Variants in TNIK observed in about 807,000 individuals in gnomAD.
TNIK encodes TRAF2 and NCK-interacting protein kinase.
In TNIK, 49 loss-of-function variants were observed where a neutral mutation model predicts 191.3. The ratio of observed to expected loss-of-function variants is 0.26; its 90% confidence interval spans 0.20 to 0.32. The LOEUF (loss-of-function observed/expected upper bound fraction) is 0.32. Among genes scored for constraint, TNIK ranks in the 10% least tolerant of loss-of-function variants. TNIK has a pLI of 1.00. For synonymous variants in TNIK, 594 were observed against 600.9 expected, an observed-to-expected ratio of 0.99 and a Z score of 0.17; for missense variants, 1,155 against 1,702.3, an observed-to-expected ratio of 0.68 and a Z score of 5.66.
chr3:171,152,424 C>A (rs1014089686), intron 12 of TNIK, among the ~76,000 whole-genome samples: 1 of 152,098 alleles, frequency 6.6e-6, no homozygotes, highest in Non-Finnish European at 1.5e-5. Flanking sequence ...AATATTTAAG[C>A]TGAATTTGAC....
At chr3:171,239,322 T>G (rs1186050800) in intron 2 of TNIK, among the ~76,000 whole-genome samples, 1 of 152,216 alleles carries the variant, frequency 6.6e-6, no homozygotes, top group Non-Finnish European at 1.5e-5. Flanking sequence ...CAACATAAGT[T>G]CTTCAAATGC....
At chr3:171,285,246 A>C (rs963990754) in intron 2 of TNIK, among the ~76,000 whole-genome samples, 5 of 152,232 alleles carry the variant, frequency 3.3e-5, no homozygotes, top group African/African-American at 4.8e-5. Flanking sequence ...TTAATAAATA[A>C]ATAAATTGTT....
intron 3 of TNIK, among the ~76,000 whole-genome samples, chr3:171,222,256 C>T (rs371237010): frequency 6.6e-6 from 1 of 152,076 alleles, no homozygotes; most frequent in Non-Finnish European, 1.5e-5. Context: ...CTGACTGGCT[C>T]GATTTGAATT....
In TNIK at chr3:171,190,734, T is replaced by C. The variant is rs1380951095; in HGVS notation, c.471A>G (p.Gln157=). ...CTGCATTTTCAGTCAGCAAGACATTTTGCCCTTTAATATCTCGATGAATCA... is the reference window on the plus strand; with the variant it reads ...CTGCATTTTCAGTCAGCAAGACATTCTGCCCTTTAATATCTCGATGAATCA... ...HKVIHRDIKG[Q]NVLLTENAEV... is the part of the protein sequence containing the mutation. The change falls in exon 6 of 33, where the codon CAA becomes CAG. Residue 157 remains glutamine (Q), a synonymous_variant. Transcript: ENST00000436636. The C allele has an allele frequency of 1.9e-6, 3 of 1,597,490 alleles. No homozygotes were observed. Among genetic ancestry groups the C allele is most frequent in the Non-Finnish European group, 2.6e-6 (3 of 1,171,016 alleles).
intron 1 of TNIK, among the ~76,000 whole-genome samples, chr3:171,443,190 A>T (rs1026722730): frequency 2.6e-5 from 4 of 152,114 alleles, no homozygotes; most frequent in Admixed American, 2.0e-4. Flanking sequence ...CTTAGTTTTG[A>T]CTCTGTCAAC....
chr3:171,163,436 C>A (rs1734249426), intron 10 of TNIK, among the ~76,000 whole-genome samples: 1 of 152,116 alleles, frequency 6.6e-6, no homozygotes. Flanking sequence ...GATAAACATG[C>A]CTTGCTTTTC....
At chr3:171,256,570 C>G (rs1746907065) in intron 2 of TNIK, among the ~76,000 whole-genome samples, 2 of 152,184 alleles carry the variant, frequency 1.3e-5, no homozygotes, top group South Asian at 4.1e-4. Context: ...TTCATAAACA[C>G]TTTAGGAAAT....
chr3:171,444,718 T>A (rs1727267371), intron 1 of TNIK, among the ~76,000 whole-genome samples: 1 of 152,092 alleles, frequency 6.6e-6, no homozygotes, highest in Admixed American at 6.6e-5. Flanking sequence ...AGTAAAAAAA[T>A]TTTAACTTCC....
At chr3:171,087,280 A>T in intron 24 of TNIK, 62 bp downstream of exon 24, 1 of 1,600,428 alleles carries the variant, frequency 6.2e-7, no homozygotes. Flanking sequence ...TGAAGAGATC[A>T]TGGTTTTAGA....
At chr3:171,275,714 G>A (rs1252799869) in intron 2 of TNIK, among the ~76,000 whole-genome samples, 4 of 151,894 alleles carry the variant, frequency 2.6e-5, no homozygotes, top group South Asian at 2.1e-4. Context: ...GGCTAACATG[G>A]TGAAACCCCG....
chr3:171,127,246 A>G (rs1389931885), intron 16 of TNIK, among the ~76,000 whole-genome samples: 1 of 152,228 alleles, frequency 6.6e-6, no homozygotes, highest in Non-Finnish European at 1.5e-5. Context: ...CTGGAATGTT[A>G]TTAATGACAG....
intron 2 of TNIK, among the ~76,000 whole-genome samples, chr3:171,318,391 T>G (rs1475494499): frequency 6.6e-6 from 1 of 152,182 alleles, no homozygotes; most frequent in Non-Finnish European, 1.5e-5. Flanking sequence ...AGGTTTTTAT[T>G]TACTAATGGT....
chr3:171,254,812 C>T (rs1746648140), intron 2 of TNIK, among the ~76,000 whole-genome samples: 1 of 152,100 alleles, frequency 6.6e-6, no homozygotes, highest in Admixed American at 6.5e-5. Flanking sequence ...ATTTCATAAT[C>T]AGAAGTGATA....
intron 7 of TNIK, among the ~76,000 whole-genome samples, chr3:171,182,851 A>G (rs1168431412): frequency 6.6e-6 from 1 of 152,236 alleles, no homozygotes. Context: ...GAAGGTGCCT[A>G]TGGTCTGCAG....
At chr3:171,256,736 C>A (rs1251145280) in intron 2 of TNIK, among the ~76,000 whole-genome samples, 5 of 152,074 alleles carry the variant, frequency 3.3e-5, no homozygotes. Flanking sequence ...TCTGACCATC[C>A]CCATTCTGAC....
At chr3:171,341,567 T>C (rs181510092) in intron 2 of TNIK, among the ~76,000 whole-genome samples, 12 of 150,030 alleles carry the variant, frequency 8.0e-5, no homozygotes, top group Non-Finnish European at 1.6e-4. Flanking sequence ...TTTTGTTTTT[T>C]GTTTTTTAAG....
chr3:171,458,886 A>G (rs1441292223), intron 1 of TNIK, among the ~76,000 whole-genome samples: 6 of 151,924 alleles, frequency 3.9e-5, no homozygotes, highest in South Asian at 2.1e-4. Flanking sequence ...TTGGTGTCCA[A>G]TCCTTCTCAG....
At chr3:171,291,412 T>C (rs889633815) in intron 2 of TNIK, among the ~76,000 whole-genome samples, 2 of 152,220 alleles carry the variant, frequency 1.3e-5, no homozygotes, top group Non-Finnish European at 2.9e-5. Flanking sequence ...GCATTTCTTG[T>C]AGTGCAGATC....
rs1744010433 is a variant in TNIK at position 171,234,328 on chromosome 3, G to A, written c.124-6107C>T. Among the ~76,000 whole-genome samples, 4 of 152,150 alleles carry A rather than the reference G, an allele frequency of 2.6e-5. No homozygotes were observed. The South Asian group carries it at 6.2e-4, about 24-fold the overall frequency. On this transcript the variant is annotated intron_variant, in intron 2 of 32. Transcript: ENST00000436636. Reference sequence around the variant, plus strand: ...TAAATGGAGCCTTTGTGTTTCCTTGGCCTACATGTGCCATTCGTTGGTGGC... The same window carrying A: ...TAAATGGAGCCTTTGTGTTTCCTTGACCTACATGTGCCATTCGTTGGTGGC...
Sources: gnomAD v4.1 joint callset for allele counts (sites outside exome capture counted in the v4.1 genomes callset) on GRCh38, gnomAD v4.1.1 for gene constraint, MANE v1.5 for transcripts, NCBI Gene and HGNC (gene_info 2026-07-23, HGNC 2026-07-21) for gene names.